The following STAU2 variants were observed in gnomAD, a reference collection of about 807,000 sequenced individuals.
STAU2 encodes the protein double-stranded RNA-binding protein Staufen homolog 2.
Under a neutral mutation model 65.9 loss-of-function variants are expected in STAU2, and 20 were observed. That is an observed-to-expected ratio of 0.30 (90% CI 0.21 to 0.44). The LOEUF (loss-of-function observed/expected upper bound fraction) is 0.44, where lower values mean the gene tolerates loss of function less well. STAU2 is among the 20% of genes least tolerant of loss of function. The pLI is 1.00. For missense variants in STAU2, 558 were observed against 683.9 expected (o/e 0.82, Z 2.05); for synonymous variants, 232 against 233.9 (o/e 0.99, Z 0.07).
At chr8:73,614,519 A>C (rs1392042778) in intron 8 of STAU2, among the ~76,000 whole-genome samples, 1 of 152,200 alleles carries the variant, frequency 6.6e-6, no homozygotes, top group African/African-American at 2.4e-5. Flanking sequence ...TAAAAAGGTA[A>C]GTAGGTATGC....
intron 13 of STAU2, among the ~76,000 whole-genome samples, chr8:73,480,999 T>C (rs1820580125): frequency 6.6e-6 from 1 of 152,152 alleles, no homozygotes; most frequent in African/African-American, 2.4e-5. Flanking sequence ...ATAAAAAGTA[T>C]AACACATATA....
At chr8:73,543,806 T>C (rs750352447) in intron 13 of STAU2, among the ~76,000 whole-genome samples, 1 of 152,182 alleles carries the variant, frequency 6.6e-6, no homozygotes, top group Non-Finnish European at 1.5e-5. Context: ...GAATCTCTTG[T>C]AGGCCTTTGT....
intron 13 of STAU2, among the ~76,000 whole-genome samples, chr8:73,423,559 T>G (rs1816567216): frequency 6.6e-6 from 1 of 152,220 alleles, no homozygotes; most frequent in Non-Finnish European, 1.5e-5. Context: ...GTTTTCATCC[T>G]GGGGCATCCC....
intron 13 of STAU2, among the ~76,000 whole-genome samples, chr8:73,452,338 C>T (rs1380866703): frequency 6.6e-6 from 1 of 152,174 alleles, no homozygotes; most frequent in Non-Finnish European, 1.5e-5. Flanking sequence ...TTTGCAGCAC[C>T]TGGTCAGGGC....
intron 13 of STAU2, chr8:73,527,694 A>T: frequency 6.5e-7 from 1 of 1,536,508 alleles, no homozygotes; most frequent in African/African-American, 1.4e-5. Context: ...ATTATACCTG[A>T]TCATGGCTGG....
intron 4 of STAU2, among the ~76,000 whole-genome samples, chr8:73,695,263 A>G (rs562084761): frequency 2.0e-5 from 3 of 152,328 alleles, no homozygotes; most frequent in East Asian, 3.9e-4. Context: ...TGCATTTTGG[A>G]TATCAGCTAA....
At chr8:73,552,519 TAG>T (rs1807410950) in intron 12 of STAU2, among the ~76,000 whole-genome samples, 200 bp from the exon 13 acceptor site, 1 of 152,122 alleles carries the variant, frequency 6.6e-6, no homozygotes, top group African/African-American at 2.4e-5. Flanking sequence ...TTCCTAAAAT[TAG>T]AGGTTTAAAA....
chr8:73,613,055 T>C (rs1812587396), intron 9 of STAU2, among the ~76,000 whole-genome samples: 1 of 152,236 alleles, frequency 6.6e-6, no homozygotes, highest in African/African-American at 2.4e-5. Context: ...AGCTGTGTGC[T>C]CTATATTCTT....
At chr8:73,488,707 T>C (rs535926842) in intron 13 of STAU2, among the ~76,000 whole-genome samples, 1 of 148,494 alleles carries the variant, frequency 6.7e-6, no homozygotes, top group East Asian at 2.0e-4. Context: ...AAAAAAGCTA[T>C]ACCAGACTAT....
At position 73,483,211 on chromosome 8, in the gene STAU2, A is replaced by C. The variant is rs1229570896; in HGVS notation, c.1531-60509T>G. 2.0e-5 allele frequency among the ~76,000 whole-genome samples: 3 copies of C among 152,080 alleles called. No individual in the cohort carries two copies. In the East Asian group the frequency reaches 5.8e-4, roughly 29 times the overall value. On this transcript the variant is annotated intron_variant, in intron 13 of 14. Coordinates refer to ENST00000524300, the MANE Select transcript of STAU2 (RefSeq NM_001164380.2). ...TAAAAAGAATCACTTGGCCTGAAGGAATTTTAACAACATAACATTAAGGAG... is the reference window on the plus strand; with the variant it reads ...TAAAAAGAATCACTTGGCCTGAAGGCATTTTAACAACATAACATTAAGGAG...
chr8:73,526,349 A>T (rs1205015284), intron 13 of STAU2, among the ~76,000 whole-genome samples: 2 of 152,208 alleles, frequency 1.3e-5, no homozygotes, highest in East Asian at 3.8e-4. Context: ...ATATCACAAT[A>T]CTTCCCCACC....
intron 3 of STAU2, among the ~76,000 whole-genome samples, chr8:73,731,249 T>C (rs1806047639): frequency 6.6e-6 from 1 of 152,228 alleles, no homozygotes; most frequent in South Asian, 2.1e-4. Flanking sequence ...CACTTGTTCA[T>C]GCTCTCTTGC....
In STAU2 at chr8:73,471,817, T is replaced by TAAA. The variant is rs569600617; in HGVS notation, c.1531-49118_1531-49116dup. Among the ~76,000 whole-genome samples, 23 of 86,800 alleles carry TAAA rather than the reference T, an allele frequency of 2.6e-4. 1 individual carries two copies. Among genetic ancestry groups the TAAA allele is most frequent in the African/African-American group, 6.5e-4 (14 of 21,462 alleles). 56.9% of individuals were successfully genotyped at this position (86,800 alleles called of 152,430 possible). On this transcript the variant is annotated intron_variant, in intron 13 of 14. Transcript: ENST00000524300. ...TGGGCAACAAGGGCGAGACTCCAAC[T>TAAA]AAAAAAAAAAAAAAAAAAAAGAGAG...
intron 12 of STAU2, among the ~76,000 whole-genome samples, chr8:73,574,750 C>A (rs1809388971): frequency 6.6e-6 from 1 of 151,976 alleles, no homozygotes; most frequent in Admixed American, 6.6e-5. Context: ...CACACTGGGG[C>A]CTGTCATGGG....
chr8:73,673,076 T>C, intron 6 of STAU2, 31 bp downstream of exon 6: 1 of 1,503,118 alleles, frequency 6.7e-7, no homozygotes, highest in East Asian at 2.3e-5. Flanking sequence ...AAAATAATAA[T>C]TAAGAACAAA....
intron 3 of STAU2, among the ~76,000 whole-genome samples, chr8:73,737,464 C>T (rs865987633): frequency 3.5e-4 from 53 of 152,226 alleles, no homozygotes; most frequent in Middle Eastern, 6.8e-3. Flanking sequence ...AGCCACCGTG[C>T]CCAGTCGATT....
At chr8:73,712,615 T>G (rs1490917814) in intron 3 of STAU2, among the ~76,000 whole-genome samples, 2 of 152,308 alleles carry the variant, frequency 1.3e-5, no homozygotes, top group African/African-American at 2.4e-5. Context: ...GTAAAAATAT[T>G]CTTAGCCAAA....
intron 13 of STAU2, among the ~76,000 whole-genome samples, chr8:73,446,235 T>C (rs574471408): frequency 5.3e-5 from 8 of 152,320 alleles, no homozygotes; most frequent in African/African-American, 1.9e-4. Context: ...TTTATAATGA[T>C]AAAAGCATAG....
intron 6 of STAU2, among the ~76,000 whole-genome samples, chr8:73,617,839 T>C (rs1010361935): frequency 1.3e-5 from 2 of 152,162 alleles, no homozygotes; most frequent in African/African-American, 2.4e-5. Context: ...ACCGTGCTTT[T>C]TGCAGAAGAT....
Sources: allele counts gnomAD v4.1 joint callset (sites outside exome capture counted in the v4.1 genomes callset), GRCh38; gene constraint gnomAD v4.1.1; transcripts MANE v1.5; gene names NCBI Gene and HGNC (gene_info 2026-07-23, HGNC 2026-07-21).